The following AEBP2 variants were observed in gnomAD, a reference collection of about 807,000 sequenced individuals.
The protein encoded by AEBP2 is zinc finger protein AEBP2.
A neutral mutation model predicts 50.8 loss-of-function variants in AEBP2; 10 were observed. That is an observed-to-expected ratio of 0.20 (90% confidence interval 0.12 to 0.33). The LOEUF (loss-of-function observed/expected upper bound fraction) is 0.33, where lower values mean the gene tolerates loss of function less well. Among genes scored for constraint, AEBP2 ranks in the 10% least tolerant of loss-of-function variants. AEBP2 has a pLI of 1.00. For synonymous variants in AEBP2, 296 were observed against 261.3 expected, an observed-to-expected ratio of 1.13 and a Z score of -1.28; for missense variants, 570 against 688.0, an observed-to-expected ratio of 0.83 and a Z score of 1.92.
chr12:19,473,348 C>T lies in AEBP2; in HGVS notation c.980C>T (p.Pro327Leu). The change falls in exon 3 of 8, where the codon CCT becomes CTT. Residue 327 changes from proline (P) to leucine (L), a missense_variant. Physicochemically the swap from Pro to Leu is moderately conservative, Grantham distance 98. Transcript: ENST00000266508. ...ATGCTGACACACAGTGGAGACAAAC[C>T]TTTCAAGGTAAGGATGCATGTATAT... The part of the protein sequence containing the change: ...RHMLTHSGDK[P>L]FKCVVGGCNA... 7.1e-7 allele frequency: 1 copy of T among 1,418,198 alleles called. No homozygotes were observed. Among genetic ancestry groups the T allele is most frequent in the South Asian group, 1.6e-5 (1 of 63,412 alleles). 87.9% of individuals were successfully genotyped at this position (1,418,198 alleles called of 1,614,324 possible).
rs187977292 is a variant in AEBP2, at chr12:19,411,007, G to A, written c.-17+6791G>A. 3.9e-5 allele frequency among the ~76,000 whole-genome samples: 6 copies of A among 152,234 alleles called. No individual in the cohort carries two copies. The South Asian group carries it at 6.2e-4, about 16-fold the overall frequency. On this transcript the variant is annotated intron_variant, in intron 1 of 3. Coordinates refer to the AEBP2 transcript ENST00000538425. ...CCATATCAATGGCAGAGAAATTGCTGATGTCAGCAATGATTAAGTTCACTG... is the reference window on the plus strand; with the variant it reads ...CCATATCAATGGCAGAGAAATTGCTAATGTCAGCAATGATTAAGTTCACTG...
chr12:19,501,980 C>T (rs1949088898), intron 5 of AEBP2, among the ~76,000 whole-genome samples: 1 of 151,770 alleles, frequency 6.6e-6, no homozygotes, highest in Non-Finnish European at 1.5e-5. Context: ...TACGTAGTAT[C>T]GACTTAATTA....
chr12:19,421,000 A>G (rs2095745388), intron 1 of AEBP2, among the ~76,000 whole-genome samples: 1 of 152,160 alleles, frequency 6.6e-6, no homozygotes, highest in South Asian at 2.1e-4. Flanking sequence ...AAATCTTCTC[A>G]GTTTCTTCAT....
rs1412518095 is a variant in AEBP2 at position 19,456,878 on chromosome 12, C to T, written c.672-5632C>T. 3 of 1,490,266 alleles carry T rather than the reference C, an allele frequency of 2.0e-6. No homozygotes were observed. In the African/African-American group the frequency reaches 4.1e-5, roughly 21 times the overall value. 92.3% of individuals were successfully genotyped at this position (1,490,266 alleles called of 1,614,324 possible). ...TACCAATACCACCAATTTTTGTAGA[C>T]ATCCTGGAGAGGCAGGCAAAGGGGC... On this transcript the variant is annotated intron_variant, in intron 1 of 7. Coordinates refer to ENST00000266508, the MANE Select transcript of AEBP2 (RefSeq NM_153207.5).
At chr12:19,423,199 A>G (rs538366235) in intron 1 of AEBP2, among the ~76,000 whole-genome samples, 66 of 151,884 alleles carry the variant, frequency 4.3e-4, no homozygotes, top group Non-Finnish European at 5.1e-4. Flanking sequence ...CATAGTAGAC[A>G]CTCAATATAT....
Position 19,439,767 on chromosome 12 carries a change from G to A in AEBP2, c.68G>A (p.Gly23Asp). 1 of 1,517,254 alleles carries A rather than the reference G, an allele frequency of 6.6e-7. No homozygotes were observed. The highest frequency in any genetic ancestry group is 8.8e-7 in the Non-Finnish European group (1 of 1,139,144). 94.0% of individuals were successfully genotyped at this position (1,517,254 alleles called of 1,614,324 possible). The change falls in exon 1 of 8, where the codon GGC becomes GAC. Residue 23 changes from glycine (G) to aspartate (D), a missense_variant. Around this residue, in one of 2 missense-constraint regions of AEBP2, gnomAD observed 386 missense variants for 336.8 expected, o/e 1.15. Transcript: ENST00000266508. ...TCCCGCCTGAGCCCTCTGCCCCCCG[G>A]CAGCCCGGGTTCGGCGGCGCGGGGC... ...ELSRLSPLPP[G>D]SPGSAARGRA...
chr12:19,507,612 T>G (rs1949170235), intron 5 of AEBP2, among the ~76,000 whole-genome samples: 1 of 152,078 alleles, frequency 6.6e-6, no homozygotes, highest in Non-Finnish European at 1.5e-5. Flanking sequence ...GAGGCAGAGG[T>G]ACCTTAACTG....
chr12:19,441,094 TAC>T (rs1168414696), intron 1 of AEBP2, among the ~76,000 whole-genome samples: 3 of 152,144 alleles, frequency 2.0e-5, no homozygotes, highest in South Asian at 2.1e-4. Flanking sequence ...CGTAACAAAA[TAC>T]AGTCTTGAAG....
intron 3 of AEBP2, among the ~76,000 whole-genome samples, chr12:19,487,099 C>A (rs1004049623): frequency 6.6e-5 from 10 of 152,212 alleles, no homozygotes; most frequent in African/African-American, 2.4e-4. Context: ...CAAGTCTTTG[C>A]CAATTGTGTT....
In AEBP2 at chr12:19,453,012, C is replaced by T. The variant is rs1275369613; in HGVS notation, c.672-9498C>T. On this transcript the variant is annotated intron_variant, in intron 1 of 7. Coordinates refer to ENST00000266508, the MANE Select transcript of AEBP2 (RefSeq NM_153207.5). ...ACGGAGTCTCGCTTTGTCGCCCAAG[C>T]TGGAATGCAGTAGTAGCATGATCTC... Among the ~76,000 whole-genome samples, 14 of 134,162 alleles carry T rather than the reference C, an allele frequency of 1.0e-4. 1 individual carries two copies. Among genetic ancestry groups the T allele is most frequent in the African/African-American group, 2.8e-4 (10 of 36,204 alleles). The allele number at this position is 134,162 out of a possible 152,430, so 88.0% of individuals were successfully genotyped here. A position where few individuals can be genotyped will look rare whatever the true frequency, so the allele number is the denominator to read the frequency against.
At chr12:19,470,244 C>T (rs140749914) in intron 2 of AEBP2, among the ~76,000 whole-genome samples, 1 of 151,732 alleles carries the variant, frequency 6.6e-6, no homozygotes, top group South Asian at 2.1e-4. Context: ...TGGAACCTCC[C>T]CCTCCCAGGT....
At chr12:19,441,017 G>A (rs1280761074) in intron 1 of AEBP2, among the ~76,000 whole-genome samples, 2 of 152,196 alleles carry the variant, frequency 1.3e-5, no homozygotes, top group Non-Finnish European at 2.9e-5. Context: ...ACGTATAAAT[G>A]GTTGTGGAAA....
In AEBP2 at chr12:19,504,442, G is replaced by A. The variant is rs548121541; in HGVS notation, c.1299+4221G>A. ...TTTTTAGTAGAGACGGGATTTCACC[G>A]TGTTAGCAAGGATGCTCTCGATCTC... is the stretch of plus-strand genomic sequence containing the variant. On this transcript the variant is annotated intron_variant, in intron 5 of 7. Transcript: ENST00000266508. 2.0e-4 allele frequency among the ~76,000 whole-genome samples: 31 copies of A among 151,508 alleles called. 2 individuals carry two copies. The highest frequency in any genetic ancestry group is 5.6e-4 in the African/African-American group (23 of 41,286).
At chr12:19,458,543 G>C (rs991874151) in intron 1 of AEBP2, among the ~76,000 whole-genome samples, 2 of 152,152 alleles carry the variant, frequency 1.3e-5, no homozygotes, top group African/African-American at 4.8e-5. Context: ...ATGAAGTATT[G>C]TTTCAAGTGT....
chr12:19,453,432 T>TTTG (rs1179657974), intron 1 of AEBP2, among the ~76,000 whole-genome samples: 1 of 151,710 alleles, frequency 6.6e-6, no homozygotes, highest in Non-Finnish European at 1.5e-5. Context: ...TACTTTCTTT[T>TTTG]TTTTTGAGAA....
At chr12:19,509,195 A>AC in intron 5 of AEBP2, 1 of 387,398 alleles carries the variant, frequency 2.6e-6, no homozygotes, top group Non-Finnish European at 5.0e-6. Flanking sequence ...TTTCCTTATT[A>AC]AGGAGTAGAA....
At chr12:19,498,989 C>T (rs1336067928) in intron 4 of AEBP2, among the ~76,000 whole-genome samples, 3 of 151,972 alleles carry the variant, frequency 2.0e-5, no homozygotes, top group Non-Finnish European at 2.9e-5. Flanking sequence ...GACTCTAGCA[C>T]CTTGGGCAGC....
rs2095737243 is a variant in AEBP2, at chr12:19,408,020, C to T, written c.-17+3804C>T. Reference sequence around the variant, plus strand: ...GAGCTGAGATTGCGCCATTGCACTCCAGCCTGGGCAACAAGAGTGAAACTC... The same window carrying T: ...GAGCTGAGATTGCGCCATTGCACTCTAGCCTGGGCAACAAGAGTGAAACTC... On this transcript the variant is annotated intron_variant, in intron 1 of 3. Transcript: ENST00000538425. Among the ~76,000 whole-genome samples the T allele has an allele frequency of 2.7e-5, 4 of 148,896 alleles. No homozygotes were observed. The Admixed American group carries it at 2.7e-4, about 10-fold the overall frequency.
rs551122463 is a variant in AEBP2 at position 19,520,976 on chromosome 12, G to A, written c.*2859G>A. 1 of 152,236 alleles carries A rather than the reference G, an allele frequency of 6.6e-6. No individual in the cohort carries two copies. The highest frequency in any genetic ancestry group is 2.1e-4 in the South Asian group (1 of 4,832). The allele number at this position is 152,236 out of a possible 1,614,324, so 9.4% of individuals were successfully genotyped here. ...GTATAAAATTACCTTCAGTCTATGT[G>A]TATAAGGTGTTTGTGAGATATAAAT... is the stretch of plus-strand genomic sequence containing the variant. On this transcript the variant is annotated 3_prime_UTR_variant, in exon 8 of 8. Coordinates refer to ENST00000266508, the MANE Select transcript of AEBP2 (RefSeq NM_153207.5).
Sources: allele counts gnomAD v4.1 joint callset (sites outside exome capture counted in the v4.1 genomes callset), GRCh38; gene constraint gnomAD v4.1.1; regional missense constraint gnomAD v4.1.1; transcripts MANE v1.5; gene names NCBI Gene and HGNC (gene_info 2026-07-23, HGNC 2026-07-21).